Variants in CSMD1 observed in about 807,000 individuals in gnomAD.
CSMD1 encodes CUB and sushi domain-containing protein 1.
A neutral mutation model predicts 417.5 loss-of-function variants in CSMD1; 213 were observed. That is an observed-to-expected ratio of 0.51 (90% CI 0.46 to 0.57). CSMD1 has a LOEUF of 0.57. Ranked by LOEUF, CSMD1 falls within the 20% of genes least tolerant of loss-of-function variation. CSMD1 has a pLI of 0.00. For synonymous variants in CSMD1, 2,862 were observed against 1,736.8 expected (o/e 1.65, Z -16.11); for missense variants, 6,923 against 4,529.7 (o/e 1.53, Z -15.17).
chr8:4,485,584 A>T (rs2130164093), intron 2 of CSMD1, among the ~76,000 whole-genome samples: 1 of 152,236 alleles, frequency 6.6e-6, no homozygotes, highest in South Asian at 2.1e-4. Context: ...ACTTCTATCC[A>T]TGGATGTTCA....
intron 1 of CSMD1, among the ~76,000 whole-genome samples, chr8:4,667,968 C>T (rs536330321): frequency 1.3e-5 from 2 of 152,322 alleles, no homozygotes; most frequent in East Asian, 1.9e-4. Context: ...CCTGCCATTG[C>T]ATTTGTTAAA....
chr8:4,489,546 AC>A (rs1323854455), intron 2 of CSMD1, among the ~76,000 whole-genome samples: 1 of 152,178 alleles, frequency 6.6e-6, no homozygotes, highest in South Asian at 2.1e-4. Flanking sequence ...TGTGTGGCAG[AC>A]AGGCTATGAA....
At chr8:4,685,338 C>G (rs868824600) in intron 1 of CSMD1, among the ~76,000 whole-genome samples, 2 of 152,164 alleles carry the variant, frequency 1.3e-5, no homozygotes, top group African/African-American at 4.8e-5. Flanking sequence ...CTTTGGGAGG[C>G]TGAGGCAGGC....
intron 3 of CSMD1, among the ~76,000 whole-genome samples, chr8:4,285,697 G>A (rs1357252977): frequency 2.0e-5 from 3 of 152,176 alleles, no homozygotes. Context: ...GAGCTTTCCA[G>A]AACTAGTAAA....
intron 3 of CSMD1, among the ~76,000 whole-genome samples, chr8:4,254,644 G>C (rs980406082): frequency 5.3e-5 from 8 of 152,116 alleles, no homozygotes; most frequent in Non-Finnish European, 1.2e-4. Context: ...ATTTATCTGT[G>C]GTAACTGCCG....
chr8:4,776,193 C>G (rs946298002), intron 1 of CSMD1, among the ~76,000 whole-genome samples: 2 of 152,044 alleles, frequency 1.3e-5, no homozygotes, highest in Admixed American at 6.6e-5. Flanking sequence ...AGAGCCTGTT[C>G]CCATGGTCAC....
chr8:3,820,527 G>T (rs549865114), intron 5 of CSMD1, among the ~76,000 whole-genome samples: 1 of 152,130 alleles, frequency 6.6e-6, no homozygotes, highest in Non-Finnish European at 1.5e-5. Context: ...ATCTCCTATG[G>T]TAACAATGCC....
At chr8:3,914,228 G>T (rs1267791654) in intron 5 of CSMD1, among the ~76,000 whole-genome samples, 1 of 152,078 alleles carries the variant, frequency 6.6e-6, no homozygotes, top group Non-Finnish European at 1.5e-5. Flanking sequence ...CTGCAAAAGG[G>T]CTAGAATAGA....
At chr8:3,913,021 AGG>A (rs1322510729) in intron 5 of CSMD1, among the ~76,000 whole-genome samples, 1 of 152,152 alleles carries the variant, frequency 6.6e-6, no homozygotes, top group Non-Finnish European at 1.5e-5. Flanking sequence ...TAATGAGCTA[AGG>A]CGTGGAGAGA....
intron 4 of CSMD1, among the ~76,000 whole-genome samples, chr8:4,012,807 C>T (rs898038724): frequency 2.6e-5 from 4 of 152,146 alleles, no homozygotes; most frequent in African/African-American, 7.2e-5. Flanking sequence ...TCTCAATAAA[C>T]GGTAACTCCA....
chr8:3,968,304 G>A (rs1812831514), intron 5 of CSMD1, among the ~76,000 whole-genome samples: 1 of 152,024 alleles, frequency 6.6e-6, no homozygotes, highest in East Asian at 1.9e-4. Context: ...ATACTCATAG[G>A]CAGCATGAGT....
At chr8:3,712,472 A>G (rs1467094043) in intron 6 of CSMD1, among the ~76,000 whole-genome samples, 1 of 152,160 alleles carries the variant, frequency 6.6e-6, no homozygotes, top group Non-Finnish European at 1.5e-5. Context: ...AGCTGCAGGA[A>G]TGCAGGAGAA....
At chr8:3,635,091 C>T (rs555278753) in intron 7 of CSMD1, among the ~76,000 whole-genome samples, 2 of 151,902 alleles carry the variant, frequency 1.3e-5, no homozygotes, top group Non-Finnish European at 2.9e-5. Flanking sequence ...TTACTATAAA[C>T]AGAGCTTGTG....
chr8:4,526,454 C>G (rs1026530847), intron 2 of CSMD1, among the ~76,000 whole-genome samples: 6 of 152,162 alleles, frequency 3.9e-5, no homozygotes, highest in African/African-American at 1.4e-4. Flanking sequence ...AAAATAATTG[C>G]TAGATGATTT....
intron 23 of CSMD1, among the ~76,000 whole-genome samples, chr8:3,321,923 G>A (rs1030828114): frequency 4.1e-4 from 62 of 152,250 alleles, no homozygotes; most frequent in African/African-American, 1.5e-3. Context: ...TTTCAGAATG[G>A]ATTCAGTATT....
At chr8:4,154,329 G>A (rs921338555) in intron 3 of CSMD1, among the ~76,000 whole-genome samples, 3 of 152,196 alleles carry the variant, frequency 2.0e-5, no homozygotes, top group Admixed American at 6.5e-5. Flanking sequence ...TTGAAAGGAT[G>A]TAGTCCAGGA....
chr8:4,232,599 A>G (rs1385015834), intron 3 of CSMD1, among the ~76,000 whole-genome samples: 1 of 152,158 alleles, frequency 6.6e-6, no homozygotes, highest in African/African-American at 2.4e-5. Context: ...GATCCTAACC[A>G]CAGTGTCATG....
At chr8:3,122,061 G>A (rs1047736615) in intron 41 of CSMD1, among the ~76,000 whole-genome samples, 2 of 151,994 alleles carry the variant, frequency 1.3e-5, no homozygotes, top group South Asian at 4.1e-4. Flanking sequence ...CCAACCTAAT[G>A]TATATCGATA....
chr8:3,994,681 A>G (rs377731064), intron 5 of CSMD1, among the ~76,000 whole-genome samples: 1 of 152,124 alleles, frequency 6.6e-6, no homozygotes, highest in Non-Finnish European at 1.5e-5. Context: ...TAAATTACGA[A>G]CCCAACGTAT....
Sources: gnomAD v4.1 joint callset for allele counts (sites outside exome capture counted in the v4.1 genomes callset) on GRCh38, gnomAD v4.1.1 for gene constraint, MANE v1.5 for transcripts, NCBI Gene and HGNC (gene_info 2026-07-23, HGNC 2026-07-21) for gene names.